CRYL1: variants seen among roughly 807,000 people sequenced by gnomAD.
CRYL1 encodes the protein crystallin lambda 1, also known as lambda-crystallin homolog.
In CRYL1, 29 loss-of-function variants were observed where a neutral mutation model predicts 36.6. The ratio of observed to expected loss-of-function variants is 0.79; its 90% confidence interval spans 0.59 to 1.08. CRYL1 has a LOEUF of 1.08. Ranked by LOEUF, CRYL1 falls within the 50% of genes least tolerant of loss-of-function variation. CRYL1 has a pLI of 0.00. For synonymous variants in CRYL1, 152 were observed against 151.5 expected (o/e 1.00, Z -0.02); for missense variants, 411 against 407.9 (o/e 1.01, Z -0.06).
chr13:20,497,475 C>CCATACACACTACACACA (rs1555232073), intron 2 of CRYL1, among the ~76,000 whole-genome samples: 3 of 124,556 alleles, frequency 2.4e-5, no homozygotes, highest in African/African-American at 9.4e-5. Context: ...TACACACACA[C>CCATACACACTACACACA]CACCACACAC....
chr13:20,475,722 T>G (rs760042989), intron 3 of CRYL1, among the ~76,000 whole-genome samples: 23 of 152,168 alleles, frequency 1.5e-4, no homozygotes, highest in Non-Finnish European at 2.5e-4. Flanking sequence ...AATCACCTGA[T>G]GCTGTGCAAC....
chr13:20,510,024 G>T (rs1486339993), intron 2 of CRYL1, among the ~76,000 whole-genome samples: 1 of 152,216 alleles, frequency 6.6e-6, no homozygotes, highest in Non-Finnish European at 1.5e-5. Context: ...TGCTGGTAAG[G>T]ATATGGAGCA....
intron 2 of CRYL1, among the ~76,000 whole-genome samples, chr13:20,493,720 G>A (rs1000909668): frequency 6.6e-6 from 1 of 152,130 alleles, no homozygotes; most frequent in Non-Finnish European, 1.5e-5. Flanking sequence ...TTCCACAGTG[G>A]GCAGACTGGT....
intron 5 of CRYL1, among the ~76,000 whole-genome samples, chr13:20,421,860 T>A (rs1478735893): frequency 1.3e-5 from 2 of 152,168 alleles, no homozygotes; most frequent in East Asian, 3.9e-4. Context: ...TTTTGGGGAT[T>A]TTTAATGAGT....
rs1197171326 is a variant in CRYL1 at position 20,525,138 on chromosome 13, A to G, written c.41+616T>C. On this transcript the variant is annotated intron_variant, in intron 1 of 7. Transcript: ENST00000298248. The surrounding 1 kb of genome is among the most constrained non-coding windows in gnomAD (Gnocchi z 4.3). ...ACACTTAGCAAACTCTCTGGGCTCC[A>G]TCGGCCCCCACCTCCCCTCTGGAAA... is the stretch of plus-strand genomic sequence containing the variant. Among the ~76,000 whole-genome samples the G allele has an allele frequency of 1.3e-5, 2 of 152,130 alleles. No homozygotes were observed. Among genetic ancestry groups the G allele is most frequent in the Non-Finnish European group, 2.9e-5 (2 of 68,010 alleles).
intron 3 of CRYL1, among the ~76,000 whole-genome samples, chr13:20,469,345 A>G (rs1451672728): frequency 2.0e-5 from 3 of 152,240 alleles, no homozygotes; most frequent in Admixed American, 1.3e-4. Context: ...GTAAATCCAC[A>G]GACAAAACAA....
Position 20,404,207 on chromosome 13 carries a change from G to A in CRYL1, c.882C>T (p.His294=). The change falls in exon 8 of 8, where the codon CAC becomes CAT. Residue 294 remains histidine, a synonymous_variant. Transcript: ENST00000298248. The stretch of plus-strand genomic sequence containing the variant: ...CCCTCCACTGCCTCCTGGCAGCTAA[G>A]TGCTCCGGGTCATCAGGGACCTTCA... The part of the protein sequence containing the change: ...MCMKVPDDPE[H]LAARRQWRDE... 1 of 1,613,974 alleles carries A rather than the reference G, an allele frequency of 6.2e-7. No individual in the cohort carries two copies. The highest frequency in any genetic ancestry group is 8.5e-7 in the Non-Finnish European group (1 of 1,179,912).
At chr13:20,414,804 C>G (rs2031614684) in intron 5 of CRYL1, among the ~76,000 whole-genome samples, 1 of 152,216 alleles carries the variant, frequency 6.6e-6, no homozygotes, top group Non-Finnish European at 1.5e-5. Flanking sequence ...GCAAGAGCTG[C>G]GCTCCACTGA....
In CRYL1 at chr13:20,439,747, A is replaced by G; in HGVS notation, c.284T>C (p.Val95Ala). The change falls in exon 4 of 8, where the codon GTT becomes GCT. Residue 95 changes from valine (V) to alanine (A), a missense_variant. Physicochemically the swap from Val to Ala is moderately conservative, Grantham distance 64. Transcript: ENST00000298248. ...VEGAMHIQECVPEDLELKKKI... is the reference protein window; with the variant it reads ...VEGAMHIQECAPEDLELKKKI... ...CTTCTTCAGTTCTAGATCTTCTGGA[A>G]CACATTCCTGAAAAGGACACGTTTA... 6.2e-7 allele frequency: 1 copy of G among 1,614,100 alleles called. No homozygotes were observed. Among genetic ancestry groups the G allele is most frequent in the African/African-American group, 1.3e-5 (1 of 75,066 alleles).
intron 3 of CRYL1, 56 bp downstream of exon 3, chr13:20,489,314 G>T: frequency 6.2e-7 from 1 of 1,604,930 alleles, no homozygotes. Flanking sequence ...CCTCCGGAGA[G>T]GCTGGGAGAC....
intron 5 of CRYL1, chr13:20,431,392 T>C (rs1181952462): frequency 4.1e-6 from 4 of 985,068 alleles, no homozygotes; most frequent in Non-Finnish European, 3.6e-6. Flanking sequence ...AGTCTTGCCT[T>C]CCCCCTGCAG....
At chr13:20,480,887 C>T (rs1234774840) in intron 3 of CRYL1, among the ~76,000 whole-genome samples, 1 of 152,136 alleles carries the variant, frequency 6.6e-6, no homozygotes, top group Admixed American at 6.6e-5. Flanking sequence ...AAGATAAATA[C>T]ATAATTACAG....
intron 5 of CRYL1, among the ~76,000 whole-genome samples, chr13:20,423,206 T>A (rs1307766326): frequency 6.6e-6 from 1 of 152,252 alleles, no homozygotes; most frequent in Non-Finnish European, 1.5e-5. Flanking sequence ...GAGATCATGT[T>A]GCCAGCAAAC....
chr13:20,407,006 C>T (rs937761191), intron 6 of CRYL1, among the ~76,000 whole-genome samples: 1 of 151,250 alleles, frequency 6.6e-6, no homozygotes, highest in African/African-American at 2.4e-5. Flanking sequence ...CAGGAGCTTT[C>T]TAGAACTTTC....
intron 5 of CRYL1, among the ~76,000 whole-genome samples, chr13:20,420,490 C>T (rs908576679): frequency 6.8e-6 from 1 of 147,100 alleles, no homozygotes. Context: ...GACCTTAAAA[C>T]ATCCCGCAGT....
At chr13:20,499,375 G>A (rs896301919) in intron 2 of CRYL1, among the ~76,000 whole-genome samples, 3 of 149,762 alleles carry the variant, frequency 2.0e-5, no homozygotes, top group Non-Finnish European at 3.0e-5. Flanking sequence ...GTGGCCGGGC[G>A]CAGTGGCTCA....
In CRYL1 at chr13:20,432,145, C is replaced by T. The variant is rs930914742; in HGVS notation, c.590G>A (p.Arg197His). Residue 197 changes from arginine (R) to histidine (H), a missense_variant, in exon 5 of 8, where the codon CGC becomes CAC. Transcript: ENST00000298248. Reference protein sequence around the residue: ...QKEVAGFVLNRLQYAIISEAW... With the variant: ...QKEVAGFVLNHLQYAIISEAW... ...CTCGCTGATGATTGCATATTGCAGG[C>T]GGTTCAGAACGAAGCCGGCCACCTC... is the stretch of plus-strand genomic sequence containing the variant. 1.4e-5 allele frequency: 23 copies of T among 1,614,088 alleles called. No individual in the cohort carries two copies. Among genetic ancestry groups the T allele is most frequent in the Non-Finnish European group, 1.6e-5 (19 of 1,180,010 alleles).
intron 1 of CRYL1, among the ~76,000 whole-genome samples, chr13:20,517,879 T>C (rs893834377): frequency 3.0e-5 from 4 of 131,902 alleles, no homozygotes; most frequent in African/African-American, 1.2e-4. Context: ...GAGCTTGCAG[T>C]GAGCCGAGAT....
intron 2 of CRYL1, among the ~76,000 whole-genome samples, chr13:20,491,920 A>T (rs1331347890): frequency 6.6e-6 from 1 of 152,250 alleles, no homozygotes; most frequent in Non-Finnish European, 1.5e-5. Flanking sequence ...GCAACAGATT[A>T]GAAATTTAAG....
Sources: gnomAD v4.1 joint callset for allele counts (sites outside exome capture counted in the v4.1 genomes callset) on GRCh38, gnomAD v4.1.1 for gene constraint, Gnocchi (gnomAD v3.1) non-coding constraint, MANE v1.5 for transcripts, NCBI Gene and HGNC (gene_info 2026-07-23, HGNC 2026-07-21) for gene names.